Variants in BDNF observed in about 807,000 individuals in gnomAD.
BDNF encodes brain derived neurotrophic factor, also known as neurotrophic factor BDNF precursor form.
In BDNF, 1 loss-of-function variant was observed where a neutral mutation model predicts 19.5. The observed-to-expected ratio is 0.05, with a 90% CI of 0.02 to 0.24. The LOEUF (loss-of-function observed/expected upper bound fraction) is 0.24, where lower values mean the gene tolerates loss of function less well. Among genes scored for constraint, BDNF ranks in the 10% least tolerant of loss-of-function variants. BDNF has a pLI of 1.00. For synonymous variants in BDNF, 100 were observed against 121.6 expected, an observed-to-expected ratio of 0.82 and a Z score of 1.17; for missense variants, 195 against 317.6, an observed-to-expected ratio of 0.61 and a Z score of 2.93.
At chr11:27,672,630 T>A (rs1855544641) in intron 1 of BDNF, among the ~76,000 whole-genome samples, 1 of 152,060 alleles carries the variant, frequency 6.6e-6, no homozygotes, top group Non-Finnish European at 1.5e-5. Context: ...AATATTAAAA[T>A]AGTAAATATA....
At chr11:27,720,931 T>C (rs536981160) in intron 1 of BDNF, among the ~76,000 whole-genome samples, 162 of 151,364 alleles carry the variant, frequency 1.1e-3, no homozygotes, top group African/African-American at 3.7e-3. Context: ...TCTGACTTAT[T>C]TCTCTCCCCC....
intron 1 of BDNF, among the ~76,000 whole-genome samples, chr11:27,661,613 C>CTA (rs1853454735): frequency 2.6e-5 from 4 of 152,166 alleles, no homozygotes; most frequent in Admixed American, 2.6e-4. Context: ...CACCCTAATA[C>CTA]TATTCTCTTA....
chr11:27,716,390 C>T (rs1402940424), intron 1 of BDNF, among the ~76,000 whole-genome samples: 1 of 151,718 alleles, frequency 6.6e-6, no homozygotes, highest in Non-Finnish European at 1.5e-5. Flanking sequence ...AAGAGACTCA[C>T]TGCTTGTTAA....
Position 27,657,251 on chromosome 11 carries a change from A to C in BDNF, c.*570T>G. 2.0e-6 allele frequency: 2 copies of C among 987,488 alleles called. No homozygotes were observed. The highest frequency in any genetic ancestry group is 2.4e-6 in the Non-Finnish European group (2 of 830,972). 61.2% of individuals were successfully genotyped at this position (987,488 alleles called of 1,614,324 possible). A position where few individuals can be genotyped will look rare whatever the true frequency, so the allele number is the denominator to read the frequency against. On this transcript the variant is annotated 3_prime_UTR_variant, in exon 2 of 2. Transcript: ENST00000356660. The surrounding 1 kb of genome is among the most constrained non-coding windows in gnomAD (Gnocchi z 5.0). Reference sequence around the variant, plus strand: ...CTAAAAAACAAAACAAACAAACGAAAAAAAAACACAAAACAAACAAAAATA... The same window carrying C: ...CTAAAAAACAAAACAAACAAACGAACAAAAAACACAAAACAAACAAAAATA...
At chr11:27,687,225 C>G (rs1262265461) in intron 1 of BDNF, among the ~76,000 whole-genome samples, 3 of 152,164 alleles carry the variant, frequency 2.0e-5, no homozygotes, top group Non-Finnish European at 4.4e-5. Flanking sequence ...GTATGCTTCA[C>G]AGAGTTCTCG....
At chr11:27,666,909 A>G (rs192550486) in intron 1 of BDNF, among the ~76,000 whole-genome samples, 2 of 152,332 alleles carry the variant, frequency 1.3e-5, no homozygotes, top group East Asian at 3.9e-4. Context: ...AATTCAGGAA[A>G]TACAGAGAAT....
rs3838785 is a variant in BDNF, at chr11:27,657,463, GT to G, written c.*357del. On this transcript the variant is annotated 3_prime_UTR_variant, in exon 2 of 2. Transcript: ENST00000356660. This position sits in a 1 kb window ranked among gnomAD's most constrained non-coding sequence, Gnocchi z 5.0. ...TCAAATTTTTGTTGTGTGTGTGTGT[GT>G]TTTTTTTCTGTTTTCTGAAAGAGGA... 673,411 of 1,041,282 alleles carry G rather than the reference GT, an allele frequency of 0.65. 221,087 individuals carry two copies. Among genetic ancestry groups the G allele is most frequent in the East Asian group, 0.75 (8,996 of 12,036 alleles). 64.5% of individuals were successfully genotyped at this position (1,041,282 alleles called of 1,614,324 possible).
intron 1 of BDNF, chr11:27,720,571 G>A: frequency 1.0e-6 from 1 of 985,726 alleles, no homozygotes; most frequent in South Asian, 4.7e-5. Flanking sequence ...ATCTCAGTGT[G>A]AGCCGAACCT....
upstream of BDNF, chr11:27,700,674 ACCT>A: frequency 1.8e-6 from 2 of 1,122,012 alleles, no homozygotes; most frequent in Non-Finnish European, 2.2e-6. Context: ...GCCTGTCCTC[ACCT>A]CCTCCCCTAG....
intron 1 of BDNF, chr11:27,659,448 G>C: frequency 1.0e-6 from 1 of 1,000,284 alleles, no homozygotes; most frequent in South Asian, 4.7e-5. Context: ...TGTCTGGTAA[G>C]GAGAAAACTG....
chr11:27,719,371 G>T (rs1349880225), intron 1 of BDNF: 3 of 756,490 alleles, frequency 4.0e-6, no homozygotes, highest in Non-Finnish European at 4.8e-6. Context: ...GCCGCACGGA[G>T]CTAAAAGTGT....
intron 1 of BDNF, chr11:27,698,255 A>AAAAAAAAAAAAT (rs1859403256): frequency 1.5e-5 from 2 of 130,024 alleles, no homozygotes; most frequent in Non-Finnish European, 3.3e-5. Flanking sequence ...AAAAAAAAAA[A>AAAAAAAAAAAAT]AGTCTTAAGC....
chr11:27,691,938 AT>A (rs1267684655), intron 1 of BDNF, among the ~76,000 whole-genome samples: 4 of 152,316 alleles, frequency 2.6e-5, no homozygotes, highest in South Asian at 4.1e-4. Context: ...CCCTAAAAAA[AT>A]ATAACCTCAA....
At chr11:27,721,711 C>G (rs947888104) in exon 1 of BDNF, 1 of 515,728 alleles carries the variant, frequency 1.9e-6, no homozygotes, top group African/African-American at 1.9e-5. Flanking sequence ...TGAGTTCTTA[C>G]GTGATTCTAA....
intron 1 of BDNF, chr11:27,674,992 A>C: frequency 1.2e-6 from 1 of 803,368 alleles, no homozygotes; most frequent in South Asian, 5.7e-5. Flanking sequence ...TAGCTGAGGA[A>C]ACTGAGGCCC....
At chr11:27,669,813 A>G (rs1855029873) in intron 1 of BDNF, among the ~76,000 whole-genome samples, 1 of 152,276 alleles carries the variant, frequency 6.6e-6, no homozygotes, top group East Asian at 1.9e-4. Context: ...AATCAATATC[A>G]TGAAAATGGC....
chr11:27,657,577 A>G lies in BDNF; in HGVS notation c.*244T>C, dbSNP rs1852739935. 1 of 1,276,852 alleles carries G rather than the reference A, an allele frequency of 7.8e-7. No homozygotes were observed. Among genetic ancestry groups the G allele is most frequent in the African/African-American group, 1.5e-5 (1 of 66,722 alleles). The allele number at this position is 1,276,852 out of a possible 1,614,324, so 79.1% of individuals were successfully genotyped here. Reference sequence around the variant, plus strand: ...GTTTTCAGTTCTTGGCAACGGCAACAAACCACAACATTATCAAGGAATGTA... The same window carrying G: ...GTTTTCAGTTCTTGGCAACGGCAACGAACCACAACATTATCAAGGAATGTA... On this transcript the variant is annotated 3_prime_UTR_variant, in exon 2 of 2. Coordinates refer to ENST00000356660, the MANE Select transcript of BDNF (RefSeq NM_001709.5). The surrounding 1 kb of genome is among the most constrained non-coding windows in gnomAD (Gnocchi z 5.0).
chr11:27,704,820 C>T (rs945538389), upstream of BDNF, among the ~76,000 whole-genome samples: 7 of 152,166 alleles, frequency 4.6e-5, no homozygotes, highest in Admixed American at 1.3e-4. Context: ...TGAGATGTTA[C>T]GTTCTCACTA....
chr11:27,657,895 T>C lies in BDNF; in HGVS notation c.670A>G (p.Lys224Glu), dbSNP rs1852779757. Residue 224 changes from lysine to glutamate, a missense_variant, in exon 2 of 2, where the codon AAG (lysine) becomes GAG (glutamate). Around this residue, in one of 2 missense-constraint regions of BDNF, gnomAD observed 71 missense variants for 162.6 expected, o/e 0.44. Coordinates refer to ENST00000356660, the MANE Select transcript of BDNF (RefSeq NM_001709.5). This position sits in a 1 kb window ranked among gnomAD's most constrained non-coding sequence, Gnocchi z 5.0. The part of the protein sequence containing the change: ...YVRALTMDSK[K>E]RIGWRFIRID... The stretch of plus-strand genomic sequence containing the variant: ...CTTATGAATCGCCAGCCAATTCTCT[T>C]TTTGCTATCCATGGTAAGGGCCCGC... The C allele has an allele frequency of 6.2e-7, 1 of 1,614,186 alleles. No homozygotes were observed. The highest frequency in any genetic ancestry group is 1.7e-5 in the Admixed American group (1 of 60,026).
Sources: gnomAD v4.1 joint callset for allele counts (sites outside exome capture counted in the v4.1 genomes callset) on GRCh38, gnomAD v4.1.1 for gene constraint, gnomAD v4.1.1 regional missense constraint, Gnocchi (gnomAD v3.1) non-coding constraint, MANE v1.5 for transcripts, NCBI Gene and HGNC (gene_info 2026-07-23, HGNC 2026-07-21) for gene names.